The following L3MBTL3 variants were observed in gnomAD, a reference collection of about 807,000 sequenced individuals.
L3MBTL3 encodes L3MBTL histone methyl-lysine binding protein 3.
In L3MBTL3, 27 loss-of-function variants were observed where a neutral mutation model predicts 102.3. The observed-to-expected ratio is 0.26, with a 90% CI of 0.19 to 0.36. L3MBTL3 has a LOEUF of 0.36. L3MBTL3 is among the 10% of genes least tolerant of loss of function. L3MBTL3 has a pLI of 1.00. For missense variants in L3MBTL3, 798 were observed against 955.3 expected (o/e 0.84, Z 2.17); for synonymous variants, 340 against 320.9 (o/e 1.06, Z -0.64).
chr6:130,027,560 G>C (rs1255947784), intron 2 of L3MBTL3, among the ~76,000 whole-genome samples: 1 of 152,136 alleles, frequency 6.6e-6, no homozygotes, highest in Non-Finnish European at 1.5e-5. Flanking sequence ...TCAGTCTATT[G>C]ATAAGGAGGT....
chr6:130,056,607 C>T (rs1781527362), intron 8 of L3MBTL3, among the ~76,000 whole-genome samples: 1 of 152,206 alleles, frequency 6.6e-6, no homozygotes, highest in South Asian at 2.1e-4. Flanking sequence ...TTTTACATCA[C>T]TGAGATGAAG....
At chr6:130,047,852 A>T (rs916227526) in intron 3 of L3MBTL3, among the ~76,000 whole-genome samples, 2 of 152,276 alleles carry the variant, frequency 1.3e-5, no homozygotes, top group Admixed American at 1.3e-4. Context: ...CTAAAAGTAA[A>T]GTTATTTTTA....
At chr6:130,102,004 G>T (rs528073652) in intron 18 of L3MBTL3, among the ~76,000 whole-genome samples, 53 of 152,012 alleles carry the variant, frequency 3.5e-4, no homozygotes, top group Non-Finnish European at 7.1e-4. Context: ...GTGACCTTGG[G>T]CAAGTAACAT....
intron 22 of L3MBTL3, chr6:130,138,081 G>A (rs1198366687): frequency 6.6e-6 from 1 of 152,194 alleles, no homozygotes; most frequent in Non-Finnish European, 1.5e-5. Flanking sequence ...TGTGTAAGAT[G>A]ACTCCAGTTC....
chr6:130,018,729 T>G (rs1344405427), intron 1 of L3MBTL3, 65 bp downstream of exon 1: 2 of 152,262 alleles, frequency 1.3e-5, no homozygotes, highest in African/African-American at 4.8e-5. Context: ...CAAAAGCCAT[T>G]CATTTATTTT....
At chr6:130,037,233 C>T (rs1362212360) in intron 2 of L3MBTL3, among the ~76,000 whole-genome samples, 2 of 152,094 alleles carry the variant, frequency 1.3e-5, no homozygotes, top group Non-Finnish European at 2.9e-5. Flanking sequence ...AGGATAGTCA[C>T]AGCTGACAAT....
chr6:130,118,202 T>C (rs1198311638), intron 19 of L3MBTL3, among the ~76,000 whole-genome samples: 1 of 152,148 alleles, frequency 6.6e-6, no homozygotes, highest in Non-Finnish European at 1.5e-5. Context: ...TTGAATCCAA[T>C]TGCAGATTTT....
chr6:130,111,151 T>C (rs1785322002), intron 19 of L3MBTL3, among the ~76,000 whole-genome samples: 2 of 152,044 alleles, frequency 1.3e-5, no homozygotes, highest in South Asian at 4.2e-4. Flanking sequence ...CAAGAAAATA[T>C]CAGTAGGCAA....
intron 3 of L3MBTL3, among the ~76,000 whole-genome samples, chr6:130,043,932 G>C (rs1324691008): frequency 6.6e-6 from 1 of 152,204 alleles, no homozygotes; most frequent in Non-Finnish European, 1.5e-5. Context: ...CTGGAGAGGA[G>C]ATTGGGTTTT....
intron 18 of L3MBTL3, 57 bp downstream of exon 18, chr6:130,094,424 T>C (rs922141255): frequency 1.8e-6 from 2 of 1,107,888 alleles, no homozygotes; most frequent in Admixed American, 2.2e-5. Context: ...TACATGTATA[T>C]ATAATGAATT....
chr6:130,094,167 G>T, intron 17 of L3MBTL3, 98 bp from the exon 18 acceptor site: 3 of 815,416 alleles, frequency 3.7e-6, no homozygotes, highest in Non-Finnish European at 3.7e-6. Context: ...GGATTTTTAG[G>T]GAGTCTTTTT....
Position 130,078,502 on chromosome 6 carries a change from T to C in L3MBTL3, c.1245-56T>C, listed in dbSNP as rs371365654. 1.1e-3 allele frequency: 1,222 copies of C among 1,133,012 alleles called. 6 individuals carry two copies. Among genetic ancestry groups the C allele is most frequent in the South Asian group, 2.0e-3 (154 of 75,544 alleles). 70.2% of individuals were successfully genotyped at this position (1,133,012 alleles called of 1,614,324 possible). On this transcript the variant is annotated intron_variant, in intron 13 of 22. Transcript: ENST00000361794. ...ATCTCTAGTTTTCTTTTTATTTTACTAGTTTTTGTGAGTTTATCCTGATAA... is the reference window on the plus strand; with the variant it reads ...ATCTCTAGTTTTCTTTTTATTTTACCAGTTTTTGTGAGTTTATCCTGATAA...
chr6:130,082,964 CT>C (rs1783460061), intron 14 of L3MBTL3, among the ~76,000 whole-genome samples: 2 of 152,286 alleles, frequency 1.3e-5, no homozygotes, highest in South Asian at 4.1e-4. Flanking sequence ...TCTCAGTCCC[CT>C]TTATGTGGCT....
chr6:130,102,022 T>G (rs190083820), intron 18 of L3MBTL3, among the ~76,000 whole-genome samples: 21 of 152,228 alleles, frequency 1.4e-4, no homozygotes, highest in Admixed American at 6.5e-4. Context: ...CATCTCTGCT[T>G]GGATGTCTAA....
At chr6:130,135,164 G>A (rs186415116) in intron 22 of L3MBTL3, among the ~76,000 whole-genome samples, 21 of 150,158 alleles carry the variant, frequency 1.4e-4, no homozygotes, top group Non-Finnish European at 2.2e-4. Flanking sequence ...TGGCAGAGGC[G>A]ATTCTCCTGC....
chr6:130,115,163 T>C (rs373205012), intron 19 of L3MBTL3, among the ~76,000 whole-genome samples: 1 of 152,114 alleles, frequency 6.6e-6, no homozygotes, highest in African/African-American at 2.4e-5. Flanking sequence ...GAAGTACAAG[T>C]CTCTTTCAGT....
intron 8 of L3MBTL3, among the ~76,000 whole-genome samples, 177 bp downstream of exon 8, chr6:130,055,432 T>A (rs936412366): frequency 8.6e-5 from 13 of 151,030 alleles, no homozygotes; most frequent in Non-Finnish European, 1.2e-4. Flanking sequence ...TTCTTAACTT[T>A]CAAGTGGTTT....
At chr6:130,023,409 AG>A (rs1377000605) in intron 2 of L3MBTL3, among the ~76,000 whole-genome samples, 2 of 152,196 alleles carry the variant, frequency 1.3e-5, no homozygotes, top group Non-Finnish European at 2.9e-5. Context: ...GCAGACAACT[AG>A]GGTTCAAGAA....
intron 2 of L3MBTL3, among the ~76,000 whole-genome samples, chr6:130,033,569 A>G (rs1323892832): frequency 6.6e-6 from 1 of 152,210 alleles, no homozygotes. Flanking sequence ...CAAAAGATAC[A>G]CTGCCCTTTT....
Sources: gnomAD v4.1 joint callset for allele counts (sites outside exome capture counted in the v4.1 genomes callset) on GRCh38, gnomAD v4.1.1 for gene constraint, MANE v1.5 for transcripts, NCBI Gene and HGNC (gene_info 2026-07-23, HGNC 2026-07-21) for gene names.